The following IQSEC3 variants were observed in gnomAD, a reference collection of about 807,000 sequenced individuals.
IQSEC3 encodes IQ motif and SEC7 domain-containing protein 3.
In IQSEC3, 50 loss-of-function variants were observed where a neutral mutation model predicts 105.4. The observed-to-expected ratio is 0.47, with a 90% CI of 0.38 to 0.60. The LOEUF is 0.60. IQSEC3 is among the 20% of genes least tolerant of loss of function. The probability of loss-of-function intolerance (pLI) is 0.00; values close to 1 mark genes in which losing one functional copy is unlikely to be tolerated. For missense variants in IQSEC3, 1,415 were observed against 1,630.0 expected (o/e 0.87, Z 2.27); for synonymous variants, 708 against 746.0 (o/e 0.95, Z 0.83).
chr12:76,438 C>T (rs1342513422), intron 1 of IQSEC3, among the ~76,000 whole-genome samples: 7 of 152,264 alleles, frequency 4.6e-5, no homozygotes, highest in Non-Finnish European at 8.8e-5. Flanking sequence ...GGACAACCCA[C>T]ACTATACTAA....
At chr12:154,067 T>C (rs1444637985) in intron 5 of IQSEC3, among the ~76,000 whole-genome samples, 17 of 152,138 alleles carry the variant, frequency 1.1e-4, no homozygotes, top group African/African-American at 3.9e-4. Context: ...ACAGCCCAAG[T>C]GTCCACCCCT....
intron 2 of IQSEC3, 43 bp from the exon 3 acceptor site, chr12:125,590 T>A (rs1865362123): frequency 6.9e-7 from 1 of 1,459,468 alleles, no homozygotes; most frequent in Non-Finnish European, 9.0e-7. Context: ...ACGCACCCTG[T>A]CGCCCTCTCC....
rs575305310 is a variant in IQSEC3, at chr12:135,125, A to G, written c.904-3142A>G. ...AGCCTGGGTGACAGAGCGGGACTCCATCTCAAAGAAAAAAAAAAGAAATGT... is the reference window on the plus strand; with the variant it reads ...AGCCTGGGTGACAGAGCGGGACTCCGTCTCAAAGAAAAAAAAAAGAAATGT... On this transcript the variant is annotated intron_variant, in intron 3 of 13. Coordinates refer to ENST00000538872, the MANE Select transcript of IQSEC3 (RefSeq NM_001170738.2). Among the ~76,000 whole-genome samples the G allele has an allele frequency of 2.6e-5, 4 of 152,272 alleles. No individual in the cohort carries two copies. In the East Asian group the frequency reaches 5.8e-4, roughly 22 times the overall value.
At chr12:112,900 AT>A (rs1169241151) in intron 2 of IQSEC3, among the ~76,000 whole-genome samples, 14 of 152,038 alleles carry the variant, frequency 9.2e-5, no homozygotes, top group Non-Finnish European at 1.8e-4. Context: ...TATTGTAAAA[AT>A]ATTATCATAA....
intron 2 of IQSEC3, among the ~76,000 whole-genome samples, chr12:118,075 C>T (rs1367006458): frequency 3.3e-5 from 5 of 152,148 alleles, no homozygotes; most frequent in African/African-American, 1.2e-4. Context: ...TCCAAGCTGC[C>T]CTCTTACAAT....
chr12:120,435 T>C (rs1865181935), intron 2 of IQSEC3, among the ~76,000 whole-genome samples: 1 of 152,124 alleles, frequency 6.6e-6, no homozygotes, highest in Non-Finnish European at 1.5e-5. Context: ...GAATGGACTT[T>C]ATCCCACCAG....
intron 3 of IQSEC3, among the ~76,000 whole-genome samples, chr12:130,334 A>C (rs575373448): frequency 6.6e-6 from 1 of 152,320 alleles, no homozygotes; most frequent in South Asian, 2.1e-4. Flanking sequence ...TGAGATTGGC[A>C]CCATTACCGT....
At chr12:162,168 T>C (rs1048183965) in intron 8 of IQSEC3, 103 bp downstream of exon 8, 1 of 1,290,948 alleles carries the variant, frequency 7.7e-7, no homozygotes, top group Non-Finnish European at 1.1e-6. Flanking sequence ...TTTTTTCATA[T>C]TCATTCACAT....
In IQSEC3 at chr12:175,432, G is replaced by A. The variant is rs918234980; in HGVS notation, c.*399G>A. On this transcript the variant is annotated 3_prime_UTR_variant, in exon 14 of 14. Coordinates refer to ENST00000538872, the MANE Select transcript of IQSEC3 (RefSeq NM_001170738.2). The stretch of plus-strand genomic sequence containing the variant: ...GCAGCAGCATGAGGCTGGGCCGGCC[G>A]GCAGTGGAGCACTAGACAGAGTGGC... 4.8e-5 allele frequency: 9 copies of A among 187,536 alleles called. No individual in the cohort carries two copies. Among genetic ancestry groups the A allele is most frequent in the Admixed American group, 3.4e-4 (6 of 17,482 alleles). 11.6% of individuals were successfully genotyped at this position (187,536 alleles called of 1,614,324 possible). A position where few individuals can be genotyped will look rare whatever the true frequency, so the allele number is the denominator to read the frequency against.
At chr12:156,657 G>C (rs1020015369) in intron 5 of IQSEC3, among the ~76,000 whole-genome samples, 2 of 152,332 alleles carry the variant, frequency 1.3e-5, no homozygotes, top group African/African-American at 4.8e-5. Context: ...CTCCTAGCGG[G>C]TCTCTGAAAG....
intron 2 of IQSEC3, among the ~76,000 whole-genome samples, chr12:118,906 C>T (rs942397049): frequency 1.1e-4 from 17 of 152,366 alleles, no homozygotes; most frequent in African/African-American, 3.8e-4. Context: ...CCCGAGTCAG[C>T]TCCCTGGCAG....
chr12:161,988 C>A lies in IQSEC3; in HGVS notation c.2506C>A (p.Gln836Lys). Residue 836 changes from glutamine (Q) to lysine (K), a missense_variant, in exon 8 of 14, where the codon CAG becomes AAG. Physicochemically the swap from Gln to Lys is moderately conservative, Grantham distance 53. Coordinates refer to ENST00000538872, the MANE Select transcript of IQSEC3 (RefSeq NM_001170738.2). ...LVVGIYERIQ[Q>K]KELKSNEDHV... ...GGTAGGCATCTATGAGAGGATACAG[C>A]AGAAGGAGCTCAAGTCCAATGAGGA... 1 of 1,613,674 alleles carries A rather than the reference C, an allele frequency of 6.2e-7. No individual in the cohort carries two copies.
intron 11 of IQSEC3, 146 bp from the exon 12 acceptor site, chr12:168,867 G>A: frequency 1.4e-6 from 1 of 710,376 alleles, no homozygotes. Flanking sequence ...TCAGTGGTGG[G>A]GCCAGACCCG....
At chr12:87,627 C>T (rs1863958230) in intron 1 of IQSEC3, among the ~76,000 whole-genome samples, 1 of 152,036 alleles carries the variant, frequency 6.6e-6, no homozygotes, top group East Asian at 1.9e-4. Context: ...AGAGTTGTAA[C>T]CAGGGGAGCA....
Position 86,436 on chromosome 12 carries a change from G to A in IQSEC3, c.555-12710G>A, listed in dbSNP as rs138389306. Among the ~76,000 whole-genome samples the A allele has an allele frequency of 5.2e-4, 79 of 152,218 alleles. 1 individual carries two copies. The highest frequency in any genetic ancestry group is 8.5e-4 in the Non-Finnish European group (58 of 68,014). On this transcript the variant is annotated intron_variant, in intron 1 of 13. Coordinates refer to ENST00000538872, the MANE Select transcript of IQSEC3 (RefSeq NM_001170738.2). ...AATACTGTGAGGCTTTGGAGTGTGC[G>A]GTAATCGGGTCTGGGACAGTGAGGG...
chr12:137,313 A>C (rs1449924213), intron 3 of IQSEC3: 2 of 152,142 alleles, frequency 1.3e-5, no homozygotes, highest in African/African-American at 2.4e-5. Context: ...GGGAAGCACG[A>C]GGAGCTGTGA....
At chr12:75,268 C>A (rs1863472905) in intron 1 of IQSEC3, among the ~76,000 whole-genome samples, 2 of 152,234 alleles carry the variant, frequency 1.3e-5, no homozygotes, top group African/African-American at 2.4e-5. Flanking sequence ...GGGAAGGAGG[C>A]TGCTAAGGAG....
At chr12:145,911 G>A (rs1555090851) in intron 5 of IQSEC3, among the ~76,000 whole-genome samples, 1 of 152,234 alleles carries the variant, frequency 6.6e-6, no homozygotes, top group African/African-American at 2.4e-5. Context: ...GAGCATTGGT[G>A]TCTACCATCT....
intron 2 of IQSEC3, among the ~76,000 whole-genome samples, chr12:120,067 C>T (rs1865169164): frequency 6.6e-6 from 1 of 152,254 alleles, no homozygotes; most frequent in Admixed American, 6.5e-5. Flanking sequence ...GAGCCAACCA[C>T]CTATAATAAG....
Sources: allele counts gnomAD v4.1 joint callset (sites outside exome capture counted in the v4.1 genomes callset), GRCh38; gene constraint gnomAD v4.1.1; transcripts MANE v1.5; gene names NCBI Gene and HGNC (gene_info 2026-07-23, HGNC 2026-07-21).